The following ZNF454 variants were observed in gnomAD, a reference collection of about 807,000 sequenced individuals.
ZNF454 encodes the protein zinc finger protein 454.
In ZNF454, 30 loss-of-function variants were observed where a neutral mutation model predicts 48.2. The ratio of observed to expected loss-of-function variants is 0.62; its 90% CI spans 0.47 to 0.84. The LOEUF is 0.84. Ranked by LOEUF, ZNF454 falls within the 40% of genes least tolerant of loss-of-function variation. The probability of loss-of-function intolerance (pLI) is 0.00; values close to 1 mark genes in which losing one functional copy is unlikely to be tolerated. For synonymous variants in ZNF454, 204 were observed against 211.4 expected (o/e 0.97, Z 0.30); for missense variants, 510 against 623.1 (o/e 0.82, Z 1.93).
the ZNF454 span, chr5:178,986,075 A>C: frequency 5.2e-6 from 8 of 1,533,558 alleles, no homozygotes; most frequent in Non-Finnish European, 6.2e-6. Flanking sequence ...TTGGCTTTGT[A>C]ACGTTGCGGA....
At chr5:178,964,432 TAAGATCATGCTTCC>T (rs1239459037) in intron 4 of ZNF454, among the ~76,000 whole-genome samples, 4 of 152,170 alleles carry the variant, frequency 2.6e-5, no homozygotes, top group African/African-American at 9.7e-5. Flanking sequence ...CTGTGACTTC[TAAGATCATGCTTCC>T]AAGCTCTCCT....
chr5:178,989,250 C>CTGGGCAGCT, the ZNF454 span: 1 of 1,580,074 alleles, frequency 6.3e-7, no homozygotes, highest in Admixed American at 1.7e-5. Context: ...CCTCACCACC[C>CTGGGCAGCT]TGGGCAGCTC....
the ZNF454 span, among the ~76,000 whole-genome samples, chr5:178,973,769 G>C: frequency 2.6e-4 from 39 of 150,738 alleles, no homozygotes; most frequent in African/African-American, 8.8e-4. Context: ...CCTGAACCCA[G>C]GAGGCGGAGC....
chr5:178,973,004 A>AC, the ZNF454 span, among the ~76,000 whole-genome samples: 4 of 151,576 alleles, frequency 2.6e-5, no homozygotes, highest in Non-Finnish European at 5.9e-5. Context: ...TAAAAAAAAA[A>AC]AAAAACCCAG....
At chr5:178,986,024 G>T in the ZNF454 span, 1,629 of 1,054,458 alleles carry the variant, frequency 1.5e-3, 4 homozygotes, top group Non-Finnish European at 2.0e-3. Context: ...AGCCTCCAAA[G>T]GTGCTGGGAC....
At chr5:178,945,933 C>G (rs1010451525) in intron 2 of ZNF454, among the ~76,000 whole-genome samples, 6 of 151,962 alleles carry the variant, frequency 3.9e-5, no homozygotes, top group Admixed American at 1.3e-4. Flanking sequence ...TTGATGGGCC[C>G]TCATAGGCAA....
At chr5:178,985,631 AG>A in the ZNF454 span, 1 of 373,248 alleles carries the variant, frequency 2.7e-6, no homozygotes, top group African/African-American at 2.2e-5. Flanking sequence ...TGAACCCGGA[AG>A]GCAGAGCTTG....
chr5:178,947,802 A>G (rs926349171), intron 4 of ZNF454, among the ~76,000 whole-genome samples: 28 of 152,190 alleles, frequency 1.8e-4, no homozygotes, highest in Admixed American at 5.2e-4. Flanking sequence ...ACCTTTTGCT[A>G]CAGATTCTTC....
the ZNF454 span, chr5:178,985,635 A>G: frequency 0.074 from 27,775 of 374,206 alleles, 1,189 homozygotes; most frequent in Non-Finnish European, 0.094. Flanking sequence ...CCCGGAAGGC[A>G]GAGCTTGCAG....
At chr5:178,943,585 G>A (rs1339142445) in intron 2 of ZNF454, among the ~76,000 whole-genome samples, 1 of 152,172 alleles carries the variant, frequency 6.6e-6, no homozygotes, top group African/African-American at 2.4e-5. Flanking sequence ...GGCATTGTAG[G>A]AACACTTTTC....
the ZNF454 span, chr5:178,981,971 G>A: frequency 7.5e-6 from 6 of 804,770 alleles, no homozygotes; most frequent in Non-Finnish European, 1.1e-5. This position sits in a 1 kb window ranked among gnomAD's most constrained non-coding sequence, Gnocchi z 5.1. Context: ...AACTGGGAAT[G>A]AGCACTTAGA....
intron 4 of ZNF454, among the ~76,000 whole-genome samples, chr5:178,958,022 A>G (rs1759848375): frequency 6.6e-6 from 1 of 152,222 alleles, no homozygotes; most frequent in Admixed American, 6.5e-5. Flanking sequence ...CCAATAGCTG[A>G]TAGAAAAGAA....
chr5:178,979,296 C>G, the ZNF454 span: 1 of 152,204 alleles, frequency 6.6e-6, no homozygotes, highest in Admixed American at 6.5e-5. Context: ...TATGCACACA[C>G]CGAGTGTGGA....
the ZNF454 span, chr5:178,983,100 A>C: frequency 1.2e-6 from 2 of 1,614,206 alleles, no homozygotes; most frequent in Non-Finnish European, 1.7e-6. Flanking sequence ...GATGAGAGAC[A>C]GATCCGACAT....
chr5:178,949,135 C>T (rs1389283764), intron 4 of ZNF454, among the ~76,000 whole-genome samples: 2 of 152,048 alleles, frequency 1.3e-5, no homozygotes, highest in Non-Finnish European at 2.9e-5. Flanking sequence ...CTGCAACCTC[C>T]GTTCTCCCGA....
chr5:178,971,692 A>AG, the ZNF454 span, among the ~76,000 whole-genome samples: 1 of 151,408 alleles, frequency 6.6e-6, no homozygotes, highest in Non-Finnish European at 1.5e-5. Flanking sequence ...ACTAAAAAAA[A>AG]AAAAATACAA....
chr5:178,974,918 C>T, the ZNF454 span, among the ~76,000 whole-genome samples: 6 of 152,320 alleles, frequency 3.9e-5, no homozygotes, highest in South Asian at 8.3e-4. Context: ...TGGACCACCA[C>T]GGATCTCAGG....
chr5:178,971,839 A>T, the ZNF454 span, among the ~76,000 whole-genome samples: 1 of 101,934 alleles, frequency 9.8e-6, no homozygotes, highest in Non-Finnish European at 1.9e-5. Context: ...CTGGGCAGCG[A>T]GACTCCATCT....
chr5:178,971,694 A>T, the ZNF454 span, among the ~76,000 whole-genome samples: 5 of 151,672 alleles, frequency 3.3e-5, no homozygotes, highest in South Asian at 6.2e-4. Flanking sequence ...TAAAAAAAAA[A>T]AAATACAAAA....
Sources: allele counts gnomAD v4.1 joint callset (sites outside exome capture counted in the v4.1 genomes callset), GRCh38; gene constraint gnomAD v4.1.1; non-coding constraint Gnocchi (gnomAD v3.1); transcripts MANE v1.5; gene names NCBI Gene and HGNC (gene_info 2026-07-23, HGNC 2026-07-21).